Variants in FAM135A observed in about 807,000 individuals in gnomAD.
FAM135A encodes family with sequence similarity 135 member A, also known as protein FAM135A.
In FAM135A, 79 loss-of-function variants were observed where a neutral mutation model predicts 146.8. The observed-to-expected ratio is 0.54, with a 90% CI of 0.45 to 0.65. The LOEUF is 0.65. FAM135A is among the 30% of genes least tolerant of loss of function. FAM135A has a pLI of 0.00. For missense variants in FAM135A, 1,623 were observed against 1,758.2 expected, an observed-to-expected ratio of 0.92 and a Z score of 1.38; for synonymous variants, 562 against 603.6, an observed-to-expected ratio of 0.93 and a Z score of 1.01.
chr6:70,446,847 A>G (rs1775863881), intron 4 of FAM135A, among the ~76,000 whole-genome samples: 1 of 152,240 alleles, frequency 6.6e-6, no homozygotes, highest in Non-Finnish European at 1.5e-5. Context: ...GTCCCAAACC[A>G]GGGACATACC....
At chr6:70,546,677 A>C (rs1279881816) in intron 20 of FAM135A, among the ~76,000 whole-genome samples, 1 of 152,208 alleles carries the variant, frequency 6.6e-6, no homozygotes, top group Non-Finnish European at 1.5e-5. Flanking sequence ...AACACAATAG[A>C]TCTGGTAAAG....
intron 2 of FAM135A, among the ~76,000 whole-genome samples, chr6:70,422,795 A>T (rs192154528): frequency 6.6e-6 from 1 of 152,204 alleles, no homozygotes; most frequent in African/African-American, 2.4e-5. Flanking sequence ...TTTTCCTTAA[A>T]TATTAAGTTG....
At chr6:70,523,545 A>G (rs531387367) in intron 13 of FAM135A, among the ~76,000 whole-genome samples, 3 of 152,256 alleles carry the variant, frequency 2.0e-5, no homozygotes, top group African/African-American at 7.2e-5. Flanking sequence ...ATTTGTCAAT[A>G]TATGTTAAGT....
intron 2 of FAM135A, among the ~76,000 whole-genome samples, chr6:70,421,725 T>C (rs189626461): frequency 1.3e-5 from 2 of 152,330 alleles, no homozygotes; most frequent in East Asian, 1.9e-4. Flanking sequence ...CCCATTTGAA[T>C]AGACCTCCAG....
intron 2 of FAM135A, among the ~76,000 whole-genome samples, chr6:70,420,303 T>C (rs1171188569): frequency 6.6e-6 from 1 of 152,226 alleles, no homozygotes. Context: ...CCCTGTGGTC[T>C]CCAGTCCATC....
At chr6:70,508,989 G>A (rs1459773141) in intron 12 of FAM135A, among the ~76,000 whole-genome samples, 1 of 152,126 alleles carries the variant, frequency 6.6e-6, no homozygotes, top group East Asian at 1.9e-4. Flanking sequence ...TGGAAGCAGG[G>A]CCTTTTGGAA....
chr6:70,555,277 A>C (rs1004727970), intron 20 of FAM135A, among the ~76,000 whole-genome samples: 5 of 151,412 alleles, frequency 3.3e-5, no homozygotes, highest in African/African-American at 1.2e-4. Context: ...TTTCTTTTTT[A>C]TTTTTAGAGA....
At chr6:70,448,250 G>A (rs917741961) in intron 4 of FAM135A, among the ~76,000 whole-genome samples, 4 of 152,298 alleles carry the variant, frequency 2.6e-5, no homozygotes, top group Non-Finnish European at 4.4e-5. Flanking sequence ...CAGAAGGGTA[G>A]ACATGAACCT....
chr6:70,432,555 ACTT>A (rs1771915750), intron 4 of FAM135A, among the ~76,000 whole-genome samples: 1 of 152,162 alleles, frequency 6.6e-6, no homozygotes, highest in Non-Finnish European at 1.5e-5. Flanking sequence ...AGACATCCTT[ACTT>A]CTTTATAGCC....
chr6:70,525,095 A>G lies in FAM135A; in HGVS notation c.2011A>G (p.Asn671Asp), dbSNP rs1362589251. The change falls in exon 15 of 22, where the codon AAT (asparagine) becomes GAT (aspartate). Residue 671 changes from asparagine (N) to aspartate (D), a missense_variant. Asn to Asp is a conservative substitution (Grantham distance 23). Coordinates refer to ENST00000418814, the MANE Select transcript of FAM135A (RefSeq NM_001162529.3). The stretch of plus-strand genomic sequence containing the variant: ...TAATAAAGATCCTTTCAGTGGAGAG[A>G]ATATAACTGTCAAACTAGGACCTTG... ...PSNKDPFSGE[N>D]ITVKLGPWTE... 2 of 1,568,306 alleles carry G rather than the reference A, an allele frequency of 1.3e-6. No homozygotes were observed. The highest frequency in any genetic ancestry group is 2.7e-5 in the African/African-American group (2 of 72,872).
intron 8 of FAM135A, among the ~76,000 whole-genome samples, chr6:70,478,643 G>A (rs753818683): frequency 1.3e-5 from 2 of 151,974 alleles, no homozygotes; most frequent in African/African-American, 4.8e-5. Flanking sequence ...CTTACATGTA[G>A]ATCACCTTGA....
At chr6:70,510,440 G>A (rs1790737501) in intron 12 of FAM135A, among the ~76,000 whole-genome samples, 3 of 151,934 alleles carry the variant, frequency 2.0e-5, no homozygotes, top group African/African-American at 7.3e-5. Flanking sequence ...ACACATTAAG[G>A]AATCACTCCC....
chr6:70,503,633 C>T (rs1486303724), intron 12 of FAM135A: 5 of 152,260 alleles, frequency 3.3e-5, no homozygotes, highest in South Asian at 4.1e-4. Flanking sequence ...GAAGTAATCA[C>T]TATACTGTCT....
At chr6:70,485,983 TTTAAA>T (rs1784548401) in intron 10 of FAM135A, among the ~76,000 whole-genome samples, 1 of 152,252 alleles carries the variant, frequency 6.6e-6, no homozygotes, top group African/African-American at 2.4e-5. Flanking sequence ...GGCACATACA[TTTAAA>T]TTAAAAAACC....
rs187314364 is a variant in FAM135A, at chr6:70,448,575, C to G, written c.78-3917C>G. On this transcript the variant is annotated intron_variant, in intron 4 of 21. Coordinates refer to ENST00000418814, the MANE Select transcript of FAM135A (RefSeq NM_001162529.3). Reference sequence around the variant, plus strand: ...TTGCCAAGACCAGCTCAGTGCTAACCCAGTGGTGCTAGAGGAATTAAAGGC... The same window carrying G: ...TTGCCAAGACCAGCTCAGTGCTAACGCAGTGGTGCTAGAGGAATTAAAGGC... Among the ~76,000 whole-genome samples the G allele has an allele frequency of 8.5e-5, 13 of 152,234 alleles. No individual in the cohort carries two copies. The East Asian group carries it at 2.5e-3, about 29-fold the overall frequency.
Position 70,426,474 on chromosome 6 carries a change from A to G in FAM135A, c.-98A>G, listed in dbSNP as rs1429130344. ...GTATTTTTAACAACGGGAATCAGTA[A>G]CTGGAAGTACAAGATTGGTTATTTA... On this transcript the variant is annotated 5_prime_UTR_variant, in exon 3 of 22. The change abolishes the stop of an existing upstream ORF in the 5' untranslated region. Coordinates refer to ENST00000418814, the MANE Select transcript of FAM135A (RefSeq NM_001162529.3). The G allele has an allele frequency of 4.6e-5, 7 of 152,206 alleles. 1 individual carries two copies. The South Asian group carries it at 1.2e-3, about 27-fold the overall frequency. 9.4% of individuals were successfully genotyped at this position (152,206 alleles called of 1,614,324 possible).
intron 5 of FAM135A, among the ~76,000 whole-genome samples, chr6:70,474,189 T>C (rs533734354): frequency 1.3e-5 from 2 of 152,332 alleles, no homozygotes; most frequent in Admixed American, 1.3e-4. Context: ...CCAGCTTATG[T>C]TGACATCCTC....
intron 5 of FAM135A, among the ~76,000 whole-genome samples, chr6:70,457,959 G>A (rs1424511273): frequency 6.6e-6 from 1 of 151,902 alleles, no homozygotes; most frequent in Admixed American, 6.6e-5. Flanking sequence ...GCATATAATA[G>A]ACTATGAAAT....
In FAM135A at chr6:70,480,934, T is replaced by A; in HGVS notation, c.576T>A (p.Asn192Lys). The A allele has an allele frequency of 6.2e-7, 1 of 1,612,418 alleles. No individual in the cohort carries two copies. Among genetic ancestry groups the A allele is most frequent in the Non-Finnish European group, 8.5e-7 (1 of 1,179,222 alleles). ...GCCCTGTGAAGACAACTTGGTTAAA[T>A]AGAAATGCACCAGCACAAAACAAAG... Reference protein sequence around the residue: ...FPRPVKTTWLNRNAPAQNKDS... With the variant: ...FPRPVKTTWLKRNAPAQNKDS... Residue 192 changes from asparagine (N) to lysine (K), a missense_variant, in exon 9 of 22, where the codon AAT (asparagine) becomes AAA (lysine). Around this residue, in one of 7 missense-constraint regions of FAM135A, gnomAD observed 206 missense variants for 194.7 expected, o/e 1.06. Coordinates refer to ENST00000418814, the MANE Select transcript of FAM135A (RefSeq NM_001162529.3).
Sources: gnomAD v4.1 joint callset for allele counts (sites outside exome capture counted in the v4.1 genomes callset) on GRCh38, gnomAD v4.1.1 for gene constraint, gnomAD v4.1.1 regional missense constraint, MANE v1.5 for transcripts, NCBI Gene and HGNC (gene_info 2026-07-23, HGNC 2026-07-21) for gene names.